The following ERBB4 variants were observed in gnomAD, a reference collection of about 807,000 sequenced individuals.
ERBB4 encodes erb-b2 receptor tyrosine kinase 4.
ERBB4 carries 42 observed loss-of-function variants against 158.0 expected under a neutral mutation model. That is an observed-to-expected ratio of 0.27 (90% CI 0.21 to 0.34). The LOEUF is 0.34. Among genes scored for constraint, ERBB4 ranks in the 10% least tolerant of loss-of-function variants. The pLI, the probability that ERBB4 is intolerant of heterozygous loss-of-function variation, is 1.00. For missense variants in ERBB4, 1,333 were observed against 1,624.1 expected (o/e 0.82, Z 3.08); for synonymous variants, 583 against 558.7 (o/e 1.04, Z -0.61).
intron 3 of ERBB4, among the ~76,000 whole-genome samples, chr2:211,938,472 T>A (rs1192944393): frequency 6.6e-6 from 1 of 152,116 alleles, no homozygotes; most frequent in Non-Finnish European, 1.5e-5. Context: ...ATTAGCCAAA[T>A]ATGGCTGTTT....
chr2:212,237,101 C>T (rs1179496130), intron 1 of ERBB4, among the ~76,000 whole-genome samples: 1 of 152,126 alleles, frequency 6.6e-6, no homozygotes, highest in African/African-American at 2.4e-5. Flanking sequence ...CTCCTGTCGG[C>T]ATTTAGTGCT....
chr2:212,076,524 T>G (rs1265230215), intron 2 of ERBB4, among the ~76,000 whole-genome samples: 2 of 151,770 alleles, frequency 1.3e-5, no homozygotes, highest in East Asian at 1.9e-4. Flanking sequence ...TGTGGTTTAA[T>G]GAGAGAGAGA....
chr2:211,744,017 G>C (rs2074880888), intron 5 of ERBB4, among the ~76,000 whole-genome samples: 1 of 152,044 alleles, frequency 6.6e-6, no homozygotes, highest in African/African-American at 2.4e-5. Flanking sequence ...AGGAAGAGGG[G>C]AACACTTGGT....
chr2:212,372,263 T>C (rs982740246), intron 1 of ERBB4, among the ~76,000 whole-genome samples: 1 of 152,186 alleles, frequency 6.6e-6, no homozygotes, highest in African/African-American at 2.4e-5. Flanking sequence ...GGCTCATGGA[T>C]GCAAATTGAA....
At chr2:212,266,596 TAGG>T (rs2085145160) in intron 1 of ERBB4, among the ~76,000 whole-genome samples, 1 of 151,978 alleles carries the variant, frequency 6.6e-6, no homozygotes, top group Admixed American at 6.6e-5. Flanking sequence ...GCCTCCTCTC[TAGG>T]AGATCATCCT....
intron 16 of ERBB4, among the ~76,000 whole-genome samples, chr2:211,635,745 G>T (rs1437011311): frequency 6.6e-6 from 1 of 152,132 alleles, no homozygotes; most frequent in South Asian, 2.1e-4. Flanking sequence ...CTTAATTGGC[G>T]AAACTGGTAT....
At chr2:212,458,599 C>T (rs1921630) in intron 1 of ERBB4, among the ~76,000 whole-genome samples, 15,988 of 150,836 alleles carry the variant, frequency 0.11, 1,130 homozygotes, top group Non-Finnish European at 0.16. Context: ...GTTTTAGGTA[C>T]AAGAGTCACA....
chr2:211,411,589 GAT>G (rs1364692095), intron 25 of ERBB4, among the ~76,000 whole-genome samples: 1 of 152,214 alleles, frequency 6.6e-6, no homozygotes, highest in Non-Finnish European at 1.5e-5. Flanking sequence ...TTTTGAAAGA[GAT>G]CAATGTTGGG....
At chr2:211,759,689 G>T (rs536144275) in intron 4 of ERBB4, among the ~76,000 whole-genome samples, 1 of 152,150 alleles carries the variant, frequency 6.6e-6, no homozygotes, top group South Asian at 2.1e-4. Flanking sequence ...ATTCCAGATA[G>T]ATTTACTAGA....
At chr2:212,384,704 A>G (rs570682220) in intron 1 of ERBB4, among the ~76,000 whole-genome samples, 1 of 151,682 alleles carries the variant, frequency 6.6e-6, no homozygotes, top group East Asian at 1.9e-4. Flanking sequence ...TAATGACATA[A>G]TTACAGCATT....
intron 1 of ERBB4, among the ~76,000 whole-genome samples, chr2:212,458,356 G>T (rs73063111): frequency 0.037 from 5,705 of 152,136 alleles, 371 homozygotes; most frequent in African/African-American, 0.13. Flanking sequence ...ATAGAAATCT[G>T]TAAGGGACAT....
At chr2:212,016,495 C>T (rs984419094) in intron 2 of ERBB4, among the ~76,000 whole-genome samples, 5 of 151,984 alleles carry the variant, frequency 3.3e-5, no homozygotes, top group Non-Finnish European at 5.9e-5. Flanking sequence ...AAAAAATCTA[C>T]TGGCATATCA....
At chr2:212,440,716 T>A (rs2092235968) in intron 1 of ERBB4, among the ~76,000 whole-genome samples, 1 of 152,180 alleles carries the variant, frequency 6.6e-6, no homozygotes. Flanking sequence ...ACATGAACTG[T>A]TTAGAGAGTT....
At chr2:212,182,009 A>T (rs1461697023) in intron 1 of ERBB4, among the ~76,000 whole-genome samples, 1 of 151,836 alleles carries the variant, frequency 6.6e-6, no homozygotes, top group African/African-American at 2.4e-5. Flanking sequence ...ACCTTACCAC[A>T]TTTGGATATC....
At chr2:212,405,809 G>C (rs1232485274) in intron 1 of ERBB4, among the ~76,000 whole-genome samples, 1 of 152,062 alleles carries the variant, frequency 6.6e-6, no homozygotes, top group Non-Finnish European at 1.5e-5. Context: ...TTAAATTTCA[G>C]TTGTCTTTCA....
At chr2:211,662,038 C>CAAAAAAAAAAAA (rs61318918) in intron 15 of ERBB4, among the ~76,000 whole-genome samples, 14 of 39,704 alleles carry the variant, frequency 3.5e-4, no homozygotes, top group Admixed American at 5.4e-4. Flanking sequence ...GACTCCGTCT[C>CAAAAAAAAAAAA]AAAAAAAAAA....
At chr2:211,586,776 G>A (rs898587678) in intron 19 of ERBB4, among the ~76,000 whole-genome samples, 7 of 152,160 alleles carry the variant, frequency 4.6e-5, no homozygotes, top group Admixed American at 2.0e-4. Context: ...GGCTTTGGCT[G>A]TAGCTGTTTG....
chr2:211,730,804 C>T (rs1363282330), intron 5 of ERBB4, among the ~76,000 whole-genome samples: 2 of 152,014 alleles, frequency 1.3e-5, no homozygotes, highest in African/African-American at 2.4e-5. Context: ...TTTCTAGAAG[C>T]TTTGGTAGTT....
chr2:211,687,712 G>A (rs2072623511), intron 12 of ERBB4, among the ~76,000 whole-genome samples: 1 of 151,944 alleles, frequency 6.6e-6, no homozygotes, highest in African/African-American at 2.4e-5. Context: ...ATTCTGAGTT[G>A]CCAGTTTCTT....
Sources: allele counts gnomAD v4.1 joint callset (sites outside exome capture counted in the v4.1 genomes callset), GRCh38; gene constraint gnomAD v4.1.1; transcripts MANE v1.5; gene names NCBI Gene and HGNC (gene_info 2026-07-23, HGNC 2026-07-21).